Variants in TMPRSS15 observed in about 807,000 individuals in gnomAD.
TMPRSS15 encodes transmembrane serine protease 15.
TMPRSS15 carries 128 observed loss-of-function variants against 125.3 expected under a neutral mutation model. The ratio of observed to expected loss-of-function variants is 1.02; its 90% CI spans 0.89 to 1.18. The LOEUF (loss-of-function observed/expected upper bound fraction) is 1.18, where lower values mean the gene tolerates loss of function less well. TMPRSS15 is among the 50% of genes most tolerant of loss of function. TMPRSS15 has a pLI of 0.00. For missense variants in TMPRSS15, 1,283 were observed against 1,212.7 expected, an observed-to-expected ratio of 1.06 and a Z score of -0.86; for synonymous variants, 446 against 423.2, an observed-to-expected ratio of 1.05 and a Z score of -0.66.
intron 8 of TMPRSS15, among the ~76,000 whole-genome samples, chr21:18,358,809 C>A (rs949801468): frequency 2.0e-5 from 3 of 151,794 alleles, no homozygotes; most frequent in Non-Finnish European, 4.4e-5. Flanking sequence ...ACAACAATAC[C>A]TAATAAAAAT....
At chr21:18,406,211 G>C (rs1456187371), upstream of TMPRSS15, among the ~76,000 whole-genome samples, 1 of 152,094 alleles carries the variant, frequency 6.6e-6, no homozygotes. Flanking sequence ...TGGGACCTGC[G>C]TGAGACAGTG....
At chr21:18,281,365 C>T (rs2074696611) in intron 21 of TMPRSS15, 144 bp from the exon 22 acceptor site, 2 of 772,210 alleles carry the variant, frequency 2.6e-6, no homozygotes, top group South Asian at 3.2e-5. Context: ...TAAAAATATT[C>T]TCAAATCTTT....
intron 3 of TMPRSS15, among the ~76,000 whole-genome samples, chr21:18,388,207 TAC>T (rs1183501262): frequency 6.6e-6 from 1 of 152,148 alleles, no homozygotes; most frequent in Admixed American, 6.5e-5. Context: ...GAAGTATCTC[TAC>T]ACTGATGAAG....
chr21:18,363,004 A>C (rs2075691577), intron 7 of TMPRSS15, among the ~76,000 whole-genome samples: 1 of 152,158 alleles, frequency 6.6e-6, no homozygotes, highest in Non-Finnish European at 1.5e-5. Flanking sequence ...TGTAATTCAA[A>C]GGATGAGCTG....
chr21:18,283,417 T>A (rs1415239091), intron 21 of TMPRSS15, among the ~76,000 whole-genome samples: 5 of 152,164 alleles, frequency 3.3e-5, no homozygotes, highest in African/African-American at 1.2e-4. Flanking sequence ...TTACAAAAAA[T>A]TAATCTTACA....
intron 1 of TMPRSS15, among the ~76,000 whole-genome samples, chr21:18,410,304 GTGGGATGCCAC>G (rs149092967): frequency 0.12 from 17,476 of 151,714 alleles, 1,221 homozygotes; most frequent in East Asian, 0.3. Context: ...GTGAATGTGT[GTGGGATGCCAC>G]TGGGATGCCA....
At chr21:18,383,480 T>G in intron 4 of TMPRSS15, 147 bp downstream of exon 4, 1 of 911,304 alleles carries the variant, frequency 1.1e-6, no homozygotes, top group African/African-American at 1.7e-5. Flanking sequence ...TTCTTCAGAT[T>G]TCACTTTTCT....
chr21:18,314,309 G>C (rs889905467), intron 17 of TMPRSS15, among the ~76,000 whole-genome samples: 2 of 151,842 alleles, frequency 1.3e-5, no homozygotes, highest in African/African-American at 4.8e-5. Context: ...ATGGAGTTTC[G>C]CTCTTGTAAC....
At chr21:18,477,237 T>C (rs928419460) in intron 1 of TMPRSS15, 1 of 152,102 alleles carries the variant, frequency 6.6e-6, no homozygotes, top group South Asian at 2.1e-4. Context: ...TCAGAACATT[T>C]TGAAGTACTC....
At chr21:18,277,823 A>G (rs2074639996) in intron 23 of TMPRSS15, among the ~76,000 whole-genome samples, 1 of 152,230 alleles carries the variant, frequency 6.6e-6, no homozygotes, top group Admixed American at 6.5e-5. Flanking sequence ...ATCAGACTAC[A>G]GAGCCTTTTC....
chr21:18,391,531 C>T (rs913065500), intron 3 of TMPRSS15, among the ~76,000 whole-genome samples: 2 of 152,216 alleles, frequency 1.3e-5, no homozygotes, highest in African/African-American at 4.8e-5. Context: ...AAGGGGTGGG[C>T]TCTGACGGTC....
At chr21:18,314,259 C>T (rs2075133851) in intron 17 of TMPRSS15, among the ~76,000 whole-genome samples, 1 of 152,130 alleles carries the variant, frequency 6.6e-6, no homozygotes, top group Admixed American at 6.6e-5. Context: ...GTAGTTTCCT[C>T]ATGGGTAAAC....
intron 18 of TMPRSS15, among the ~76,000 whole-genome samples, chr21:18,309,497 CA>C (rs1471300406): frequency 2.0e-5 from 3 of 151,922 alleles, no homozygotes; most frequent in Non-Finnish European, 4.4e-5. Context: ...AAAATTTTTG[CA>C]ATCTAGCCAT....
chr21:18,328,542 T>C (rs927626188), intron 15 of TMPRSS15, among the ~76,000 whole-genome samples: 1 of 152,150 alleles, frequency 6.6e-6, no homozygotes, highest in South Asian at 2.1e-4. Flanking sequence ...TACCAGCTGG[T>C]AGGAACTGAT....
chr21:18,459,168 C>T (rs1978501028), intron 1 of TMPRSS15, among the ~76,000 whole-genome samples: 1 of 152,074 alleles, frequency 6.6e-6, no homozygotes, highest in South Asian at 2.1e-4. Flanking sequence ...AATAAATTTT[C>T]CCCCAGTTAA....
intron 3 of TMPRSS15, among the ~76,000 whole-genome samples, chr21:18,392,210 A>G (rs2075996778): frequency 6.6e-6 from 1 of 152,212 alleles, no homozygotes; most frequent in Admixed American, 6.5e-5. Flanking sequence ...GCTGGCTTCA[A>G]TTTGTCCCCA....
intron 6 of TMPRSS15, among the ~76,000 whole-genome samples, chr21:18,369,562 T>G (rs749871635): frequency 2.6e-5 from 4 of 152,072 alleles, no homozygotes; most frequent in Non-Finnish European, 4.4e-5. Context: ...AAAGAGGAAG[T>G]TGCATGAGGA....
intron 12 of TMPRSS15, 145 bp from the exon 13 acceptor site, chr21:18,341,693 T>G: frequency 1.1e-6 from 1 of 916,102 alleles, no homozygotes. Context: ...TACTACATAG[T>G]GAAATCTTGA....
chr21:18,446,022 C>T (rs1389907558), intron 1 of TMPRSS15, among the ~76,000 whole-genome samples: 1 of 152,182 alleles, frequency 6.6e-6, no homozygotes. Context: ...CAAATTAGCC[C>T]TGTTTTCAAA....
Sources: gnomAD v4.1 joint callset for allele counts (sites outside exome capture counted in the v4.1 genomes callset) on GRCh38, gnomAD v4.1.1 for gene constraint, MANE v1.5 for transcripts, NCBI Gene and HGNC (gene_info 2026-07-23, HGNC 2026-07-21) for gene names.